UPP2: variants seen among roughly 807,000 people sequenced by gnomAD.
The protein encoded by UPP2 is uridine phosphorylase 2.
Under a neutral mutation model 26.7 loss-of-function variants are expected in UPP2, and 23 were observed. The observed-to-expected ratio is 0.86, with a 90% CI of 0.62 to 1.22. The LOEUF (loss-of-function observed/expected upper bound fraction) is 1.22, where lower values mean the gene tolerates loss of function less well. Ranked by LOEUF, UPP2 falls within the 50% of genes most tolerant of loss-of-function variation. The pLI, the probability that UPP2 is intolerant of heterozygous loss-of-function variation, is 0.00. For synonymous variants in UPP2, 127 were observed against 141.3 expected, an observed-to-expected ratio of 0.90 and a Z score of 0.72; for missense variants, 387 against 396.7, an observed-to-expected ratio of 0.98 and a Z score of 0.21.
intron 6 of UPP2, chr2:158,134,128 G>A (rs1683881335): frequency 6.6e-6 from 1 of 152,076 alleles, no homozygotes; most frequent in Non-Finnish European, 1.5e-5. Flanking sequence ...GAAATCAAAT[G>A]CTAATACATT....
intron 3 of UPP2, among the ~76,000 whole-genome samples, chr2:158,077,933 A>G (rs925357325): frequency 5.9e-5 from 9 of 152,154 alleles, no homozygotes; most frequent in Non-Finnish European, 1.3e-4. Context: ...ACAGCTCTAT[A>G]GGAAGAAATC....
upstream of UPP2, among the ~76,000 whole-genome samples, chr2:158,097,231 A>G (rs1217099677): frequency 6.6e-6 from 1 of 152,086 alleles, no homozygotes; most frequent in African/African-American, 2.4e-5. Context: ...TTACCTGGAG[A>G]CAGACCCTTT....
intron 3 of UPP2, among the ~76,000 whole-genome samples, chr2:158,019,533 C>T (rs1176150000): frequency 2.6e-5 from 4 of 151,978 alleles, no homozygotes; most frequent in African/African-American, 9.7e-5. Context: ...GTCAAACCAT[C>T]ATATTGCTTT....
rs73968537 is a variant in UPP2, at chr2:158,044,188, G to A, written c.147+28302G>A. 3.7e-3 allele frequency among the ~76,000 whole-genome samples: 558 copies of A among 152,332 alleles called. 3 individuals carry two copies. Among genetic ancestry groups the A allele is most frequent in the African/African-American group, 0.012 (518 of 41,572 alleles). Reference sequence around the variant, plus strand: ...AGATTTAGACTAGCGGTAGATGGGGGCAAAAATCATTGAGGAACTGCAGAA... The same window carrying A: ...AGATTTAGACTAGCGGTAGATGGGGACAAAAATCATTGAGGAACTGCAGAA... On this transcript the variant is annotated intron_variant, in intron 3 of 9. Transcript: ENST00000605860.
At chr2:157,999,778 G>T (rs980604580) in intron 2 of UPP2, among the ~76,000 whole-genome samples, 14 of 152,088 alleles carry the variant, frequency 9.2e-5, no homozygotes, top group African/African-American at 3.1e-4. Context: ...AAAGTAAATG[G>T]AATAAAAGTT....
intron 3 of UPP2, among the ~76,000 whole-genome samples, chr2:158,064,799 T>TGCATATGGCTAGCCAGTTTTCC (rs1182990686): frequency 1.3e-5 from 2 of 152,212 alleles, no homozygotes; most frequent in Admixed American, 1.3e-4. Flanking sequence ...TTCAGTTTTC[T>TGCATATGGCTAGCCAGTTTTCC]GCATATGGCT....
chr2:158,019,539 G>A (rs534966037), intron 3 of UPP2, among the ~76,000 whole-genome samples: 110 of 151,824 alleles, frequency 7.2e-4, no homozygotes, highest in Non-Finnish European at 1.3e-3. Context: ...CCATCATATT[G>A]CTTTAAAGAA....
chr2:158,010,447 C>T (rs983297524), intron 2 of UPP2, among the ~76,000 whole-genome samples: 3 of 152,220 alleles, frequency 2.0e-5, no homozygotes, highest in Non-Finnish European at 4.4e-5. Flanking sequence ...TTAACTTTTA[C>T]TTCCTTGCAT....
chr2:158,129,349 G>A (rs915755468), intron 6 of UPP2, among the ~76,000 whole-genome samples: 22 of 152,160 alleles, frequency 1.4e-4, no homozygotes, highest in South Asian at 4.2e-4. Flanking sequence ...TCAAGTCCTC[G>A]AGATTACATC....
At chr2:158,117,698 T>C (rs963831923) in intron 3 of UPP2, 126 bp from the exon 4 acceptor site, 3 of 727,714 alleles carry the variant, frequency 4.1e-6, no homozygotes, top group Admixed American at 2.6e-5. Context: ...TTCCTCAGCA[T>C]TGGCAAAGTC....
Position 158,106,170 on chromosome 2 carries a change from T to C in UPP2, c.134T>C (p.Leu45Ser). The change falls in exon 2 of 7, where the codon TTG becomes TCG. Residue 45 changes from leucine (L) to serine (S), a missense_variant. Leu to Ser is a moderately radical substitution (Grantham distance 145). Transcript: ENST00000005756. ...GAAGACATTCTCTATCACTTGGATT[T>C]GGGAACAAAAACACACAACCTACCA... ...MDEDILYHLD[L>S]GTKTHNLPAM... 6.2e-7 allele frequency: 1 copy of C among 1,612,404 alleles called. No individual in the cohort carries two copies.
chr2:158,097,390 T>G (rs909279008), upstream of UPP2, among the ~76,000 whole-genome samples: 15 of 151,978 alleles, frequency 9.9e-5, no homozygotes, highest in African/African-American at 3.4e-4. Flanking sequence ...TATATATATA[T>G]ATATAGAGAG....
rs767125794 is a variant in UPP2 at position 158,134,835 on chromosome 2, G to A, written c.899G>A (p.Arg300Gln). The change falls in exon 7 of 7, where the codon CGG (arginine) becomes CAG (glutamine). Residue 300 changes from arginine (R) to glutamine (Q), a missense_variant. Physicochemically the swap from Arg to Gln is conservative, Grantham distance 43. Transcript: ENST00000005756. Reference protein sequence around the residue: ...PHDVLVEYQQRPQLLISNFIR... With the variant: ...PHDVLVEYQQQPQLLISNFIR... ...GATGTCCTGGTGGAGTACCAGCAAC[G>A]GCCTCAGCTCCTAATCTCCAACTTC... 1.2e-5 allele frequency: 20 copies of A among 1,613,550 alleles called. No individual in the cohort carries two copies. Among genetic ancestry groups the A allele is most frequent in the African/African-American group, 5.3e-5 (4 of 74,972 alleles).
upstream of UPP2, among the ~76,000 whole-genome samples, chr2:158,099,129 T>G (rs13418261): frequency 0.026 from 3,966 of 152,292 alleles, 175 homozygotes; most frequent in African/African-American, 0.087. Context: ...GTAACTTGCG[T>G]TTTCTTTATT....
intron 2 of UPP2, among the ~76,000 whole-genome samples, chr2:157,998,659 G>C (rs1310898586): frequency 6.6e-6 from 1 of 152,010 alleles, no homozygotes; most frequent in African/African-American, 2.4e-5. Flanking sequence ...AAAATTAGCT[G>C]GGTGTGGTGG....
intron 2 of UPP2, among the ~76,000 whole-genome samples, chr2:158,005,967 T>G (rs553270435): frequency 6.6e-5 from 10 of 152,182 alleles, no homozygotes; most frequent in Non-Finnish European, 1.2e-4. Flanking sequence ...GTTCATCCCC[T>G]CCTCACACTC....
chr2:158,045,899 C>T (rs571229400), intron 3 of UPP2, among the ~76,000 whole-genome samples: 41 of 152,174 alleles, frequency 2.7e-4, no homozygotes, highest in African/African-American at 9.6e-4. Flanking sequence ...TGGGGCCAGC[C>T]ATGAGCAGCT....
chr2:158,044,189 C>A (rs1304452618), intron 3 of UPP2, among the ~76,000 whole-genome samples: 1 of 152,086 alleles, frequency 6.6e-6, no homozygotes, highest in Non-Finnish European at 1.5e-5. Flanking sequence ...TAGATGGGGG[C>A]AAAAATCATT....
chr2:158,083,822 G>A (rs905864467), intron 3 of UPP2, among the ~76,000 whole-genome samples: 12 of 145,052 alleles, frequency 8.3e-5, no homozygotes, highest in Admixed American at 2.1e-4. Flanking sequence ...ATATATACAC[G>A]TATATATAGA....
Sources: gnomAD v4.1 joint callset for allele counts (sites outside exome capture counted in the v4.1 genomes callset) on GRCh38, gnomAD v4.1.1 for gene constraint, MANE v1.5 for transcripts, NCBI Gene and HGNC (gene_info 2026-07-23, HGNC 2026-07-21) for gene names.